The following RBL2 variants were observed in gnomAD, a reference collection of about 807,000 sequenced individuals.
RBL2 encodes the protein retinoblastoma-like protein 2.
Under a neutral mutation model 126.0 loss-of-function variants are expected in RBL2, and 56 were observed. The observed-to-expected ratio is 0.44, with a 90% CI of 0.36 to 0.56. RBL2 has a LOEUF of 0.56. Among genes scored for constraint, RBL2 ranks in the 20% least tolerant of loss-of-function variants. RBL2 has a pLI of 0.00. For missense variants in RBL2, 1,229 were observed against 1,398.2 expected (o/e 0.88, Z 1.93); for synonymous variants, 454 against 478.5 (o/e 0.95, Z 0.67).
chr16:53,447,752 C>T (rs2058076190), intron 4 of RBL2, among the ~76,000 whole-genome samples: 1 of 137,426 alleles, frequency 7.3e-6, no homozygotes, highest in Non-Finnish European at 1.5e-5. Flanking sequence ...TCAAGTAATT[C>T]TCCTGCCTCA....
chr16:53,475,131 T>C (rs1041053466), intron 17 of RBL2, among the ~76,000 whole-genome samples: 1 of 152,374 alleles, frequency 6.6e-6, no homozygotes, highest in Non-Finnish European at 1.5e-5. Flanking sequence ...GCTAAATTGT[T>C]GGCAAATAAT....
chr16:53,447,121 A>G lies in RBL2; in HGVS notation c.637+15A>G. The G allele has an allele frequency of 7.6e-7, 1 of 1,323,144 alleles. No homozygotes were observed. Among genetic ancestry groups the G allele is most frequent in the Admixed American group, 2.0e-5 (1 of 49,356 alleles). The allele number at this position is 1,323,144 out of a possible 1,614,324, so 82.0% of individuals were successfully genotyped here. On this transcript the variant is annotated intron_variant, in intron 4 of 21. Coordinates refer to ENST00000262133, the MANE Select transcript of RBL2 (RefSeq NM_005611.4). Reference sequence around the variant, plus strand: ...ATATGCAAAAGGTAAGAAAATAGTAATATTTATTTAGATTTAATATGTCTA... The same window carrying G: ...ATATGCAAAAGGTAAGAAAATAGTAGTATTTATTTAGATTTAATATGTCTA...
intron 17 of RBL2, among the ~76,000 whole-genome samples, chr16:53,477,281 G>A (rs190355194): frequency 2.0e-5 from 3 of 152,318 alleles, no homozygotes; most frequent in Admixed American, 2.0e-4. Context: ...GGAAAGGAGT[G>A]TAAGTATGTA....
At chr16:53,488,646 C>T (rs928041738) in intron 21 of RBL2, 1 of 152,056 alleles carries the variant, frequency 6.6e-6, no homozygotes, top group Non-Finnish European at 1.5e-5. Flanking sequence ...ATTTAGACTA[C>T]TATGAGAAAA....
At chr16:53,464,473 T>C in intron 12 of RBL2, 110 bp downstream of exon 12, 1 of 952,174 alleles carries the variant, frequency 1.1e-6, no homozygotes. Flanking sequence ...TGTTTTTATT[T>C]ACATAGTTAA....
rs2058315221 is a variant in RBL2 at position 53,470,765 on chromosome 16, T to C, written c.2546T>C (p.Val849Ala). Residue 849 changes from valine (V) to alanine (A), a missense_variant, in exon 17 of 22, where the codon GTC becomes GCC. Physicochemically the swap from Val to Ala is moderately conservative, Grantham distance 64 (BLOSUM62 0). Coordinates refer to ENST00000262133, the MANE Select transcript of RBL2 (RefSeq NM_005611.4). Reference protein sequence around the residue: ...FFRKVYHLAAVRLRDLCAKLD... With the variant: ...FFRKVYHLAAARLRDLCAKLD... Reference sequence around the variant, plus strand: ...TCCTAGGTATACCATTTAGCAGCTGTCCGCCTTCGGGATCTCTGTGCCAAA... The same window carrying C: ...TCCTAGGTATACCATTTAGCAGCTGCCCGCCTTCGGGATCTCTGTGCCAAA... 6.2e-7 allele frequency: 1 copy of C among 1,614,004 alleles called. No homozygotes were observed. The highest frequency in any genetic ancestry group is 1.3e-5 in the African/African-American group (1 of 74,936).
intron 2 of RBL2, 30 bp downstream of exon 2, chr16:53,439,176 T>A: frequency 6.5e-7 from 1 of 1,542,796 alleles, no homozygotes; most frequent in Non-Finnish European, 8.7e-7. Flanking sequence ...ACAAGTAGAG[T>A]ATGGCTAATG....
chr16:53,444,978 G>C (rs2153139190), intron 3 of RBL2, among the ~76,000 whole-genome samples: 1 of 152,306 alleles, frequency 6.6e-6, no homozygotes, highest in Middle Eastern at 3.4e-3. Flanking sequence ...AATAATTTCA[G>C]ATTGCACTTG....
chr16:53,441,977 C>T (rs773363512), intron 2 of RBL2, among the ~76,000 whole-genome samples: 2 of 152,054 alleles, frequency 1.3e-5, no homozygotes, highest in South Asian at 2.1e-4. Context: ...CCCGCCACCA[C>T]GCCCAGCTAA....
chr16:53,489,562 G>C (rs1402326502), intron 21 of RBL2: 1 of 152,100 alleles, frequency 6.6e-6, no homozygotes, highest in African/African-American at 2.4e-5. Flanking sequence ...CTGAGCCACT[G>C]TCCAGAAAAT....
chr16:53,443,888 TG>T (rs2058038272), intron 3 of RBL2, among the ~76,000 whole-genome samples: 2 of 152,216 alleles, frequency 1.3e-5, no homozygotes, highest in South Asian at 4.1e-4. Flanking sequence ...TTAATATAGA[TG>T]GCACCACTGA....
chr16:53,480,501 T>C (rs934577470), intron 19 of RBL2, 66 bp from the exon 20 acceptor site: 2 of 1,403,524 alleles, frequency 1.4e-6, no homozygotes, highest in African/African-American at 1.4e-5. Flanking sequence ...TCTCCTACTT[T>C]TAAAAAATTA....
intron 11 of RBL2, 88 bp from the exon 12 acceptor site, chr16:53,464,138 C>T (rs1041535655): frequency 4.3e-5 from 48 of 1,115,388 alleles, no homozygotes; most frequent in Non-Finnish European, 5.6e-5. Context: ...ATGAGACTTT[C>T]TTTGGTATTT....
chr16:53,453,878 TGA>T (rs2058140322), intron 7 of RBL2, 109 bp downstream of exon 7: 2 of 1,044,770 alleles, frequency 1.9e-6, no homozygotes, highest in Non-Finnish European at 2.7e-6. Context: ...ATATGTTTTG[TGA>T]GAGAATACAG....
At chr16:53,481,183 A>G in intron 20 of RBL2, 1 of 173,114 alleles carries the variant, frequency 5.8e-6, no homozygotes, top group Non-Finnish European at 1.2e-5. Context: ...TTTACAAATA[A>G]TTCTATTAAG....
At position 53,454,696 on chromosome 16, in the gene RBL2, G is replaced by A; in HGVS notation, c.1033G>A (p.Val345Ile). The A allele has an allele frequency of 6.2e-7, 1 of 1,614,014 alleles. No homozygotes were observed. The highest frequency in any genetic ancestry group is 1.7e-4 in the Middle Eastern group (1 of 6,060). ...GGCCTATGAGGAGTATGTTTTATCTGTTGGGAATTTAGATGAGCGGATATT... is the reference window on the plus strand; with the variant it reads ...GGCCTATGAGGAGTATGTTTTATCTATTGGGAATTTAGATGAGCGGATATT... ...NKAYEEYVLS[V>I]GNLDERIFLG... is the part of the protein sequence containing the mutation. The change falls in exon 8 of 22, where the codon GTT becomes ATT. Residue 345 changes from valine to isoleucine, a missense_variant. Val to Ile is a conservative substitution (Grantham distance 29, BLOSUM62 3). Transcript: ENST00000262133.
intron 21 of RBL2, among the ~76,000 whole-genome samples, chr16:53,484,970 G>A (rs1254960012): frequency 2.0e-5 from 3 of 151,014 alleles, no homozygotes; most frequent in East Asian, 1.9e-4. Context: ...AAAGAGGGTC[G>A]TTTCCTATTA....
Position 53,490,773 on chromosome 16 carries a change from G to C in RBL2, c.*473G>C, listed in dbSNP as rs1484925590. 1 of 152,502 alleles carries C rather than the reference G, an allele frequency of 6.6e-6. No homozygotes were observed. Among genetic ancestry groups the C allele is most frequent in the Non-Finnish European group, 1.5e-5 (1 of 68,054 alleles). 9.4% of individuals were successfully genotyped at this position (152,502 alleles called of 1,614,324 possible). A position where few individuals can be genotyped will look rare whatever the true frequency, so the allele number is the denominator to read the frequency against. On this transcript the variant is annotated 3_prime_UTR_variant, in exon 22 of 22. Coordinates refer to ENST00000262133, the MANE Select transcript of RBL2 (RefSeq NM_005611.4). ...GGAGTGTGTGATTTTTTGCATTCCT[G>C]ACAAAGGAGAGCACACCCAGGTTTG...
Position 53,453,436 on chromosome 16 carries a change from A to G in RBL2, c.767-16A>G. Reference sequence around the variant, plus strand: ...TGTGTGCTGATATCTCTGTTTTGTGATTCTATACACCATAGGCTTATCTGA... The same window carrying G: ...TGTGTGCTGATATCTCTGTTTTGTGGTTCTATACACCATAGGCTTATCTGA... On this transcript the variant is annotated splice_polypyrimidine_tract_variant and intron_variant, in intron 5 of 21. Transcript: ENST00000262133. 6.3e-7 allele frequency: 1 copy of G among 1,596,950 alleles called. No homozygotes were observed. Among genetic ancestry groups the G allele is most frequent in the South Asian group, 1.1e-5 (1 of 88,672 alleles).
Sources: allele counts gnomAD v4.1 joint callset (sites outside exome capture counted in the v4.1 genomes callset), GRCh38; gene constraint gnomAD v4.1.1; transcripts MANE v1.5; gene names NCBI Gene and HGNC (gene_info 2026-07-23, HGNC 2026-07-21).